The following CTXN3 variants were observed in gnomAD, a reference collection of about 807,000 sequenced individuals.
CTXN3 encodes the protein cortexin 3, also known as cortexin-3.
A neutral mutation model predicts 5.0 loss-of-function variants in CTXN3; 4 were observed. The ratio of observed to expected loss-of-function variants is 0.79; its 90% CI spans 0.39 to 1.82. The LOEUF (loss-of-function observed/expected upper bound fraction) is 1.82. Among genes scored for constraint, CTXN3 ranks in the 40% most tolerant of loss-of-function variants. CTXN3 has a pLI of 0.04. For synonymous variants in CTXN3, 48 were observed against 38.6 expected, an observed-to-expected ratio of 1.24 and a Z score of -0.91; for missense variants, 89 against 99.7, an observed-to-expected ratio of 0.89 and a Z score of 0.46.
At chr5:127,649,612 T>C (rs1387363948) in intron 1 of CTXN3, among the ~76,000 whole-genome samples, 1 of 152,240 alleles carries the variant, frequency 6.6e-6, no homozygotes, top group Admixed American at 6.5e-5. Context: ...AAGTTTATAA[T>C]GTTATTGATA....
At chr5:127,654,458 C>G (rs1201773524) in intron 2 of CTXN3, among the ~76,000 whole-genome samples, 2 of 152,192 alleles carry the variant, frequency 1.3e-5, no homozygotes, top group Non-Finnish European at 2.9e-5. Flanking sequence ...TAATACTTGG[C>G]ATCCTCGTGC....
At position 127,657,864 on chromosome 5, in the gene CTXN3, C is replaced by T; in HGVS notation, c.*97C>T. The T allele has an allele frequency of 1.4e-6, 2 of 1,428,950 alleles. No homozygotes were observed. The highest frequency in any genetic ancestry group is 1.9e-6 in the Non-Finnish European group (2 of 1,046,266). 88.5% of individuals were successfully genotyped at this position (1,428,950 alleles called of 1,614,324 possible). The stretch of plus-strand genomic sequence containing the variant: ...GTGTTCTCAACAAATCAAATTTAAA[C>T]AATATTTGGTCCCAGGACCATAATC... On this transcript the variant is annotated 3_prime_UTR_variant, in exon 3 of 3. Transcript: ENST00000379445.
At chr5:127,653,011 G>C (rs1749816732) in intron 1 of CTXN3, 1 of 152,270 alleles carries the variant, frequency 6.6e-6, no homozygotes, top group African/African-American at 2.4e-5. Context: ...GGACACTGGG[G>C]TGCAAAGGTT....
At chr5:127,654,227 A>G (rs534880547) in intron 2 of CTXN3, among the ~76,000 whole-genome samples, 16 of 152,210 alleles carry the variant, frequency 1.1e-4, no homozygotes, top group African/African-American at 3.9e-4. Context: ...GAGGATTACA[A>G]CTCCCAATGT....
At chr5:127,653,182 G>C (rs1186678172) in intron 1 of CTXN3, 135 bp from the exon 2 acceptor site, 1 of 152,226 alleles carries the variant, frequency 6.6e-6, no homozygotes, top group Non-Finnish European at 1.5e-5. Context: ...GACTACGCCT[G>C]CTGGGCTTCG....
At position 127,657,842 on chromosome 5, in the gene CTXN3, T is replaced by C; in HGVS notation, c.*75T>C. 2 of 1,535,590 alleles carry C rather than the reference T, an allele frequency of 1.3e-6. No individual in the cohort carries two copies. The highest frequency in any genetic ancestry group is 2.4e-5 in the South Asian group (2 of 83,740). On this transcript the variant is annotated 3_prime_UTR_variant, in exon 3 of 3. Transcript: ENST00000379445. ...TGGTGAGGATTCCCTTTATTTAGTG[T>C]TCTCAACAAATCAAATTTAAACAAT...
chr5:127,652,580 C>G (rs777463839), intron 1 of CTXN3, among the ~76,000 whole-genome samples: 1 of 151,902 alleles, frequency 6.6e-6, no homozygotes, highest in Non-Finnish European at 1.5e-5. Context: ...AAGGCCCCAC[C>G]GAGAAGTGGG....
chr5:127,656,224 A>T (rs1012207549), intron 2 of CTXN3, among the ~76,000 whole-genome samples: 25 of 152,204 alleles, frequency 1.6e-4, no homozygotes, highest in African/African-American at 5.8e-4. Context: ...TGTCTAATGT[A>T]TATACTTTTA....
chr5:127,657,743 G>A lies in CTXN3; in HGVS notation c.222G>A (p.Gly74=), dbSNP rs750001642. 39 of 1,614,026 alleles carry A rather than the reference G, an allele frequency of 2.4e-5. No individual in the cohort carries two copies. The East Asian group carries it at 8.5e-4, about 35-fold the overall frequency. ...ATGGACTTGAAGGCCTGGAGAAAGG[G>A]CAGTTCGACCATGCCCTTGCTTAGG... is the stretch of plus-strand genomic sequence containing the variant. ...WADGLEGLEK[G]QFDHALA The change falls in exon 3 of 3, where the codon GGG becomes GGA. Residue 74 remains glycine, a synonymous_variant. Transcript: ENST00000379445.
Position 127,658,099 on chromosome 5 carries a change from T to G in CTXN3, c.*332T>G. The G allele has an allele frequency of 3.5e-6, 1 of 287,540 alleles. No individual in the cohort carries two copies. 17.8% of individuals were successfully genotyped at this position (287,540 alleles called of 1,614,324 possible). A position where few individuals can be genotyped will look rare whatever the true frequency, so the allele number is the denominator to read the frequency against. On this transcript the variant is annotated 3_prime_UTR_variant, in exon 3 of 3. Coordinates refer to ENST00000379445, the MANE Select transcript of CTXN3 (RefSeq NM_001048252.3). Reference sequence around the variant, plus strand: ...AACACCACCTGATCTGACTAAAGAATAAAAGACTAGAAAGGATCTCATATG... The same window carrying G: ...AACACCACCTGATCTGACTAAAGAAGAAAAGACTAGAAAGGATCTCATATG...
At chr5:127,649,949 A>G (rs1025744637) in intron 1 of CTXN3, among the ~76,000 whole-genome samples, 4 of 152,100 alleles carry the variant, frequency 2.6e-5, no homozygotes, top group African/African-American at 9.7e-5. Flanking sequence ...TTGAAGTTAA[A>G]AGTTCCAGTT....
rs375045772 is a variant in CTXN3 at position 127,658,624 on chromosome 5, A to G, written c.*857A>G. 602 of 165,726 alleles carry G rather than the reference A, an allele frequency of 3.6e-3. 3 individuals carry two copies. Among genetic ancestry groups the G allele is most frequent in the African/African-American group, 0.014 (571 of 40,178 alleles). The allele number at this position is 165,726 out of a possible 1,614,324, so 10.3% of individuals were successfully genotyped here. A position where few individuals can be genotyped will look rare whatever the true frequency, so the allele number is the denominator to read the frequency against. On this transcript the variant is annotated 3_prime_UTR_variant, in exon 3 of 3. Coordinates refer to ENST00000379445, the MANE Select transcript of CTXN3 (RefSeq NM_001048252.3). ...TATAGTCACCAAATAAAACTTTTCA[A>G]GAAACAGAAATGCTTCCTCTCTTAT...
chr5:127,650,369 G>A (rs139826504), intron 1 of CTXN3, among the ~76,000 whole-genome samples: 57 of 152,282 alleles, frequency 3.7e-4, no homozygotes, highest in African/African-American at 1.3e-3. Context: ...CTTTCTAGTA[G>A]ACTTGAGTCT....
Position 127,657,516 on chromosome 5 carries a change from T to C in CTXN3, c.-6T>C. 6.2e-7 allele frequency: 1 copy of C among 1,613,926 alleles called. No homozygotes were observed. The highest frequency in any genetic ancestry group is 8.5e-7 in the Non-Finnish European group (1 of 1,179,934). ...AGGATATCCTGTGCTCTGGCTTCCC[T>C]GGACCATGGATGGAGGACAGCCCAT... is the stretch of plus-strand genomic sequence containing the variant. On this transcript the variant is annotated 5_prime_UTR_variant, in exon 3 of 3. Transcript: ENST00000379445.
At chr5:127,654,716 C>A (rs933935158) in intron 2 of CTXN3, among the ~76,000 whole-genome samples, 1 of 152,128 alleles carries the variant, frequency 6.6e-6, no homozygotes, top group Non-Finnish European at 1.5e-5. Context: ...GGGAAGACTA[C>A]TCCTGGGGTC....
rs1749935129 is a variant in CTXN3, at chr5:127,657,464, A to C, written c.-58A>C. 6.3e-7 allele frequency: 1 copy of C among 1,598,100 alleles called. No homozygotes were observed. Among genetic ancestry groups the C allele is most frequent in the Non-Finnish European group, 8.5e-7 (1 of 1,172,528 alleles). On this transcript the variant is annotated 5_prime_UTR_variant, in exon 3 of 3. Transcript: ENST00000379445. ...AGAGTGCAGCCACCATGACCTCCGC[A>C]GATTGATGATGGAAGAAAAGAAAAC...
intron 1 of CTXN3, among the ~76,000 whole-genome samples, chr5:127,649,703 A>G (rs1413759090): frequency 6.7e-6 from 1 of 148,560 alleles, no homozygotes; most frequent in Non-Finnish European, 1.5e-5. Flanking sequence ...TTTGCCCATT[A>G]TCGTATTTTT....
At position 127,658,415 on chromosome 5, in the gene CTXN3, A is replaced by G. The variant is rs898050571; in HGVS notation, c.*648A>G. 1.8e-5 allele frequency: 3 copies of G among 167,366 alleles called. No individual in the cohort carries two copies. Among genetic ancestry groups the G allele is most frequent in the African/African-American group, 7.2e-5 (3 of 41,480 alleles). The allele number at this position is 167,366 out of a possible 1,614,324, so 10.4% of individuals were successfully genotyped here. A position where few individuals can be genotyped will look rare whatever the true frequency, so the allele number is the denominator to read the frequency against. On this transcript the variant is annotated 3_prime_UTR_variant, in exon 3 of 3. Transcript: ENST00000379445. ...AAAAACTATTTACCAAGCCAACTAC[A>G]TTATATGTATTCATATTAATAACAT...
intron 2 of CTXN3, 184 bp downstream of exon 2, chr5:127,653,607 C>T (rs1158477439): frequency 6.6e-6 from 1 of 152,088 alleles, no homozygotes; most frequent in Admixed American, 6.5e-5. Context: ...ATCATTTTTA[C>T]CAAAAAGGGA....
Sources: allele counts gnomAD v4.1 joint callset (sites outside exome capture counted in the v4.1 genomes callset), GRCh38; gene constraint gnomAD v4.1.1; transcripts MANE v1.5; gene names NCBI Gene and HGNC (gene_info 2026-07-23, HGNC 2026-07-21).